The following NCAM2 variants were observed in gnomAD, a reference collection of about 807,000 sequenced individuals.
The protein encoded by NCAM2 is N-CAM-2.
In NCAM2, 30 loss-of-function variants were observed where a neutral mutation model predicts 98.1. The observed-to-expected ratio is 0.31, with a 90% CI of 0.23 to 0.41. The LOEUF (loss-of-function observed/expected upper bound fraction) is 0.41. Among genes scored for constraint, NCAM2 ranks in the 10% least tolerant of loss-of-function variants. The pLI is 1.00. For missense variants in NCAM2, 867 were observed against 1,005.8 expected, an observed-to-expected ratio of 0.86 and a Z score of 1.87; for synonymous variants, 368 against 342.4, an observed-to-expected ratio of 1.07 and a Z score of -0.83.
chr21:21,110,001 C>T (rs1373447155), intron 1 of NCAM2, among the ~76,000 whole-genome samples: 2 of 152,152 alleles, frequency 1.3e-5, no homozygotes, highest in African/African-American at 4.8e-5. Flanking sequence ...GCTGGAGTTG[C>T]CTCCAAAGCC....
chr21:21,270,008 C>T (rs891209689), intron 1 of NCAM2, among the ~76,000 whole-genome samples: 7 of 152,136 alleles, frequency 4.6e-5, no homozygotes, highest in African/African-American at 1.7e-4. Context: ...GAGAGAATAC[C>T]CACATTGGGG....
rs115974435 is a variant in NCAM2, at chr21:21,538,213, A to G, written c.*256A>G. ...ACTGGCACCAACACTTTGGTATTCA[A>G]TTTGATTCTATGACTGAAGTACTGG... On this transcript the variant is annotated 3_prime_UTR_variant, in exon 18 of 18. Coordinates refer to ENST00000400546, the MANE Select transcript of NCAM2 (RefSeq NM_004540.5). The G allele has an allele frequency of 5.0e-3, 1,223 of 242,416 alleles. 18 individuals are homozygous for G. The highest frequency in any genetic ancestry group is 0.026 in the African/African-American group (1,164 of 44,934). The allele number at this position is 242,416 out of a possible 1,614,324, so 15.0% of individuals were successfully genotyped here. A position where few individuals can be genotyped will look rare whatever the true frequency, so the allele number is the denominator to read the frequency against.
At chr21:21,442,782 T>C (rs547092387) in intron 12 of NCAM2, among the ~76,000 whole-genome samples, 1 of 152,296 alleles carries the variant, frequency 6.6e-6, no homozygotes, top group South Asian at 2.1e-4. Context: ...AGTGTGACTT[T>C]TCTAAATTTA....
chr21:21,443,644 T>C (rs900037739), intron 12 of NCAM2, among the ~76,000 whole-genome samples: 1 of 152,130 alleles, frequency 6.6e-6, no homozygotes, highest in Non-Finnish European at 1.5e-5. Context: ...ACAGTTCTGA[T>C]GGGATGGGTC....
In NCAM2 at chr21:21,510,091, G is replaced by A. The variant is rs144336281; in HGVS notation, c.2282+1036G>A. Among the ~76,000 whole-genome samples, 18 of 152,102 alleles carry A rather than the reference G, an allele frequency of 1.2e-4. No homozygotes were observed. In the East Asian group the frequency reaches 3.3e-3, roughly 28 times the overall value. On this transcript the variant is annotated intron_variant, in intron 16 of 17. Transcript: ENST00000400546. The stretch of plus-strand genomic sequence containing the variant: ...TATTTTGTCATATGTTTATTCATAC[G>A]TTAATCCCTTATATTTTCTTGAATT...
chr21:21,053,750 A>T (rs1245922242), intron 1 of NCAM2, among the ~76,000 whole-genome samples: 1 of 150,714 alleles, frequency 6.6e-6, no homozygotes, highest in Non-Finnish European at 1.5e-5. Context: ...TGTTATGGTA[A>T]ATTCATCTTT....
At chr21:21,418,642 A>G in intron 11 of NCAM2, 73 bp downstream of exon 11, 1 of 1,108,372 alleles carries the variant, frequency 9.0e-7, no homozygotes, top group Non-Finnish European at 1.4e-6. Flanking sequence ...AAGTTGATAA[A>G]GTGGTCTCAT....
intron 1 of NCAM2, among the ~76,000 whole-genome samples, chr21:21,248,461 C>A (rs1325534232): frequency 6.6e-6 from 1 of 152,030 alleles, no homozygotes; most frequent in African/African-American, 2.4e-5. Context: ...AAAATTGTCA[C>A]ATCTTAGTCT....
chr21:21,165,167 C>A (rs1202733884), intron 1 of NCAM2, among the ~76,000 whole-genome samples: 1 of 152,080 alleles, frequency 6.6e-6, no homozygotes, highest in Non-Finnish European at 1.5e-5. Context: ...GCAGATGGGG[C>A]AAATAGAAGC....
chr21:21,282,500 G>T (rs1427743743), intron 2 of NCAM2, among the ~76,000 whole-genome samples: 1 of 151,500 alleles, frequency 6.6e-6, no homozygotes, highest in Non-Finnish European at 1.5e-5. Flanking sequence ...AAATATAGTA[G>T]TAAAACAAGA....
intron 1 of NCAM2, among the ~76,000 whole-genome samples, chr21:21,275,034 CTGTT>C (rs1176776084): frequency 1.3e-5 from 2 of 152,040 alleles, no homozygotes; most frequent in African/African-American, 2.4e-5. Context: ...TTTTGAATAT[CTGTT>C]TGCTCTGGGT....
intron 1 of NCAM2, among the ~76,000 whole-genome samples, chr21:21,076,448 A>G (rs1425106028): frequency 2.6e-5 from 4 of 152,122 alleles, no homozygotes; most frequent in African/African-American, 9.7e-5. Context: ...TCTTTTGTGC[A>G]CATTTTGCTT....
rs557301613 is a variant in NCAM2, at chr21:21,134,090, A to T, written c.55+135472A>T. On this transcript the variant is annotated intron_variant, in intron 1 of 17. Transcript: ENST00000400546. ...TTTTTTTTTTTTTTTTTCCCCTGAGATGATGTCTCGCTCTGTCACCCAGGC... is the reference window on the plus strand; with the variant it reads ...TTTTTTTTTTTTTTTTTCCCCTGAGTTGATGTCTCGCTCTGTCACCCAGGC... Among the ~76,000 whole-genome samples, 3 of 136,590 alleles carry T rather than the reference A, an allele frequency of 2.2e-5. No homozygotes were observed. In the South Asian group the frequency reaches 6.8e-4, roughly 31 times the overall value. 89.6% of individuals were successfully genotyped at this position (136,590 alleles called of 152,430 possible).
At chr21:21,451,675 A>C (rs185638633) in intron 12 of NCAM2, among the ~76,000 whole-genome samples, 1 of 152,298 alleles carries the variant, frequency 6.6e-6, no homozygotes, top group East Asian at 1.9e-4. Context: ...TAAAGACAAA[A>C]GGGAATCCCC....
chr21:21,355,276 A>C (rs1019869597), intron 8 of NCAM2, among the ~76,000 whole-genome samples: 1 of 151,750 alleles, frequency 6.6e-6, no homozygotes, highest in African/African-American at 2.4e-5. Context: ...TCTCCAAAAA[A>C]TACAAAAAAT....
At chr21:21,216,617 G>T (rs2069911105) in intron 1 of NCAM2, among the ~76,000 whole-genome samples, 1 of 152,186 alleles carries the variant, frequency 6.6e-6, no homozygotes. Context: ...GCATTGTCCT[G>T]TCCTTAGCCA....
At chr21:21,433,013 A>C (rs2077378259) in intron 12 of NCAM2, among the ~76,000 whole-genome samples, 1 of 152,182 alleles carries the variant, frequency 6.6e-6, no homozygotes, top group Non-Finnish European at 1.5e-5. Context: ...ACCCTAACAC[A>C]TATGGTGTAG....
At chr21:21,489,270 C>T (rs1275169811) in intron 15 of NCAM2, among the ~76,000 whole-genome samples, 1 of 152,226 alleles carries the variant, frequency 6.6e-6, no homozygotes, top group Non-Finnish European at 1.5e-5. Flanking sequence ...CCTGGAATTA[C>T]AGGCGTGAGC....
At chr21:21,165,517 C>G (rs370764865) in intron 1 of NCAM2, among the ~76,000 whole-genome samples, 1 of 152,112 alleles carries the variant, frequency 6.6e-6, no homozygotes, top group African/African-American at 2.4e-5. Flanking sequence ...GCATACATAA[C>G]CACGCATACT....
Sources: gnomAD v4.1 joint callset for allele counts (sites outside exome capture counted in the v4.1 genomes callset) on GRCh38, gnomAD v4.1.1 for gene constraint, MANE v1.5 for transcripts, NCBI Gene and HGNC (gene_info 2026-07-23, HGNC 2026-07-21) for gene names.